Variants in HYDIN observed in about 807,000 individuals in gnomAD.
HYDIN encodes axonemal central pair apparatus protein HYDIN.
In HYDIN, 132 loss-of-function variants were observed where a neutral mutation model predicts 403.9. That is an observed-to-expected ratio of 0.33 (90% CI 0.28 to 0.38). HYDIN has a LOEUF of 0.38. HYDIN is among the 10% of genes least tolerant of loss of function. HYDIN has a pLI of 1.00. For missense variants in HYDIN, 2,827 were observed against 5,009.5 expected, an observed-to-expected ratio of 0.56 and a Z score of 13.15; for synonymous variants, 1,202 against 1,891.7, an observed-to-expected ratio of 0.64 and a Z score of 9.46.
chr16:71,217,729 A>G (rs551226239), intron 1 of HYDIN, among the ~76,000 whole-genome samples: 2 of 152,204 alleles, frequency 1.3e-5, no homozygotes, highest in Non-Finnish European at 2.9e-5. Context: ...AATCATTGAA[A>G]GTATACTTGG....
At chr16:71,210,311 T>C (rs893955022) in intron 1 of HYDIN, among the ~76,000 whole-genome samples, 9 of 152,294 alleles carry the variant, frequency 5.9e-5, no homozygotes, top group South Asian at 2.1e-4. Flanking sequence ...ATATAGACCA[T>C]GGAATACCAT....
At chr16:70,934,097 G>A (rs1295020905) in intron 45 of HYDIN, among the ~76,000 whole-genome samples, 1 of 152,150 alleles carries the variant, frequency 6.6e-6, no homozygotes, top group East Asian at 1.9e-4. Context: ...ACGATCCACA[G>A]TGTGAAGCTC....
intron 22 of HYDIN, 46 bp downstream of exon 22, chr16:71,020,128 C>G: frequency 6.3e-7 from 1 of 1,598,232 alleles, no homozygotes; most frequent in Non-Finnish European, 8.5e-7. Context: ...TATCACACCC[C>G]GCCCCACCCC....
intron 25 of HYDIN, 170 bp downstream of exon 25, chr16:70,991,148 C>G (rs1164512180): frequency 1.1e-6 from 1 of 932,848 alleles, no homozygotes; most frequent in Non-Finnish European, 1.6e-6. Flanking sequence ...TAGGCTCTCA[C>G]TGAGTGTTGG....
intron 7 of HYDIN, among the ~76,000 whole-genome samples, chr16:71,145,324 G>C (rs2085326566): frequency 6.6e-6 from 1 of 150,526 alleles, no homozygotes; most frequent in African/African-American, 2.4e-5. Flanking sequence ...GCACGATCTT[G>C]CCTCACTGTA....
rs2035082053 is a variant in HYDIN, at chr16:70,805,826, T to C, written c.*1754A>G. On this transcript the variant is annotated 3_prime_UTR_variant, in exon 86 of 86. Transcript: ENST00000393567. Reference sequence around the variant, plus strand: ...AGTCCTCCTCATCTATGGCTTCAGTTACCTGTGGTCAACTGTGGAATGAAA... The same window carrying C: ...AGTCCTCCTCATCTATGGCTTCAGTCACCTGTGGTCAACTGTGGAATGAAA... Among the ~76,000 whole-genome samples the C allele has an allele frequency of 6.6e-6, 1 of 152,256 alleles. No homozygotes were observed. Among genetic ancestry groups the C allele is most frequent in the Non-Finnish European group, 1.5e-5 (1 of 68,042 alleles).
intron 21 of HYDIN, among the ~76,000 whole-genome samples, chr16:71,023,964 AAAGAT>A (rs2080591408): frequency 1.3e-5 from 2 of 152,362 alleles, no homozygotes; most frequent in South Asian, 4.1e-4. Flanking sequence ...GTGTGACAGC[AAAGAT>A]CACACTGTGG....
intron 69 of HYDIN, among the ~76,000 whole-genome samples, 171 bp from the exon 70 acceptor site, chr16:70,861,072 A>G (rs537088046): frequency 1.3e-5 from 2 of 151,944 alleles, no homozygotes; most frequent in Non-Finnish European, 2.9e-5. Context: ...GACTGGGCTG[A>G]GCATAAGCAG....
chr16:71,021,555 T>C (rs2080495107), intron 21 of HYDIN, among the ~76,000 whole-genome samples: 1 of 152,102 alleles, frequency 6.6e-6, no homozygotes, highest in African/African-American at 2.4e-5. Flanking sequence ...CAGAAATGAA[T>C]CTCGAGTTGA....
intron 52 of HYDIN, among the ~76,000 whole-genome samples, chr16:70,902,255 G>A (rs535863799): frequency 1.6e-5 from 2 of 128,000 alleles, no homozygotes; most frequent in South Asian, 5.0e-4. Flanking sequence ...TTATTTCTTG[G>A]TTATTAATCT....
chr16:71,130,373 A>G (rs1472510285), intron 8 of HYDIN, among the ~76,000 whole-genome samples: 1 of 151,142 alleles, frequency 6.6e-6, no homozygotes, highest in Non-Finnish European at 1.5e-5. Context: ...TCTAGAGACC[A>G]CAGGAGCTGC....
intron 85 of HYDIN, among the ~76,000 whole-genome samples, chr16:70,808,964 G>A (rs888221736): frequency 9.9e-5 from 15 of 152,208 alleles, no homozygotes; most frequent in Non-Finnish European, 1.3e-4. Flanking sequence ...AGATGTCTGG[G>A]TGCCTGGTGT....
intron 58 of HYDIN, among the ~76,000 whole-genome samples, chr16:70,886,225 C>G (rs2041124999): frequency 6.6e-6 from 1 of 151,940 alleles, no homozygotes; most frequent in Non-Finnish European, 1.5e-5. Flanking sequence ...TTTCTAGAGT[C>G]TATCCATGTA....
At chr16:71,207,706 T>C (rs1296423542) in intron 1 of HYDIN, among the ~76,000 whole-genome samples, 1 of 151,876 alleles carries the variant, frequency 6.6e-6, no homozygotes, top group Non-Finnish European at 1.5e-5. Flanking sequence ...CCCATAGGCT[T>C]GAAGTAAAGG....
chr16:70,821,778 A>T (rs2036280851), intron 83 of HYDIN, among the ~76,000 whole-genome samples: 1 of 151,958 alleles, frequency 6.6e-6, no homozygotes, highest in Admixed American at 6.6e-5. Flanking sequence ...TAAGGCCTTT[A>T]AGAATTATGT....
Position 70,853,012 on chromosome 16 carries a change from A to T in HYDIN, c.12443+2116T>A, listed in dbSNP as rs1231085948. 0.019 allele frequency among the ~76,000 whole-genome samples: 8 copies of T among 424 alleles called. No individual in the cohort carries two copies. In the Admixed American group the frequency reaches 0.21, roughly 11 times the overall value. The allele number at this position is 424 out of a possible 152,430, so 0.3% of individuals were successfully genotyped here. A position where few individuals can be genotyped will look rare whatever the true frequency, so the allele number is the denominator to read the frequency against. On this transcript the variant is annotated intron_variant, in intron 73 of 85. Coordinates refer to ENST00000393567, the MANE Select transcript of HYDIN (RefSeq NM_001270974.2). ...AACATGGTGAAACCCCATCTCTACT[A>T]AAAAAAAAAAAAAAAAAAATTAGCC...
intron 19 of HYDIN, among the ~76,000 whole-genome samples, chr16:71,029,320 C>A (rs1461142952): frequency 2.9e-5 from 3 of 104,720 alleles, no homozygotes; most frequent in African/African-American, 1.1e-4. Flanking sequence ...CCCAGCCCTG[C>A]TTTTGACAAT....
At chr16:71,175,546 T>G (rs982121510) in intron 5 of HYDIN, 61 bp downstream of exon 5, 16 of 1,568,896 alleles carry the variant, frequency 1.0e-5, no homozygotes, top group Non-Finnish European at 1.3e-5. Flanking sequence ...CTGTAAATAT[T>G]CAGAATTGAA....
chr16:70,972,925 T>C (rs2078773727), intron 35 of HYDIN, among the ~76,000 whole-genome samples: 2 of 152,352 alleles, frequency 1.3e-5, no homozygotes, highest in South Asian at 4.1e-4. Context: ...AAATGAGTTT[T>C]AGTGCGAAGC....
Sources: gnomAD v4.1 joint callset for allele counts (sites outside exome capture counted in the v4.1 genomes callset) on GRCh38, gnomAD v4.1.1 for gene constraint, MANE v1.5 for transcripts, NCBI Gene and HGNC (gene_info 2026-07-23, HGNC 2026-07-21) for gene names.